HECTD2: variants seen among roughly 807,000 people sequenced by gnomAD.
HECTD2 encodes probable E3 ubiquitin-protein ligase HECTD2.
In HECTD2, 35 loss-of-function variants were observed where a neutral mutation model predicts 103.2. That is an observed-to-expected ratio of 0.34 (90% CI 0.26 to 0.45). The LOEUF is 0.45. Ranked by LOEUF, HECTD2 falls within the 20% of genes least tolerant of loss-of-function variation. The probability of loss-of-function intolerance (pLI) is 1.00; values close to 1 mark genes in which losing one functional copy is unlikely to be tolerated. For synonymous variants in HECTD2, 281 were observed against 329.9 expected (o/e 0.85, Z 1.61); for missense variants, 596 against 937.4 (o/e 0.64, Z 4.76).
intron 2 of HECTD2, among the ~76,000 whole-genome samples, chr10:91,436,116 C>A: frequency 6.6e-6 from 1 of 151,822 alleles, no homozygotes; most frequent in South Asian, 2.1e-4. Context: ...CTTCTCCCTG[C>A]ATGGTGTCTG....
intron 1 of HECTD2, among the ~76,000 whole-genome samples, chr10:91,418,865 GTTTA>G (rs980342375): frequency 2.0e-5 from 3 of 152,046 alleles, no homozygotes; most frequent in South Asian, 2.1e-4. Flanking sequence ...ATAAATATAT[GTTTA>G]TTTATCAGTC....
At chr10:91,425,548 C>A in intron 2 of HECTD2, 138 bp downstream of exon 2, 1 of 529,500 alleles carries the variant, frequency 1.9e-6, no homozygotes, top group Non-Finnish European at 2.9e-6. Flanking sequence ...TTACCAGAAG[C>A]AGCAAAATCT....
intron 2 of HECTD2, among the ~76,000 whole-genome samples, chr10:91,453,362 T>C (rs1478559488): frequency 6.6e-6 from 1 of 152,096 alleles, no homozygotes; most frequent in Non-Finnish European, 1.5e-5. Flanking sequence ...GCCCAGATGT[T>C]TGAGGCTGCA....
chr10:91,410,478 C>CTGGTGG lies in HECTD2; in HGVS notation c.44_49dup (p.Val15_Val16dup). The CTGGTGG allele has an allele frequency of 6.8e-7, 1 of 1,467,946 alleles. No individual in the cohort carries two copies. The highest frequency in any genetic ancestry group is 9.0e-7 in the Non-Finnish European group (1 of 1,114,048). 90.9% of individuals were successfully genotyped at this position (1,467,946 alleles called of 1,614,324 possible). A position where few individuals can be genotyped will look rare whatever the true frequency, so the allele number is the denominator to read the frequency against. On this transcript the variant is annotated inframe_insertion, in exon 1 of 21. Coordinates refer to ENST00000298068, the MANE Select transcript of HECTD2 (RefSeq NM_182765.6). ...TCGGGTACCCTCGCCCGCCACTCCG[C>CTGGTGG]TGGTGGTGGCGGCGCCCGCGCCTGA...
At chr10:91,413,763 G>C (rs77305076) in intron 1 of HECTD2, among the ~76,000 whole-genome samples, 131 of 152,300 alleles carry the variant, frequency 8.6e-4, no homozygotes, top group African/African-American at 3.1e-3. Flanking sequence ...GAAATCAGGC[G>C]TGGTGGGGAA....
intron 8 of HECTD2, 90 bp from the exon 9 acceptor site, chr10:91,484,417 G>T: frequency 6.8e-7 from 1 of 1,481,122 alleles, no homozygotes; most frequent in Non-Finnish European, 9.2e-7. Flanking sequence ...CTAAAATTTT[G>T]TGGCTTAGGA....
intron 15 of HECTD2, among the ~76,000 whole-genome samples, chr10:91,497,889 T>C (rs1846747111): frequency 1.3e-5 from 2 of 152,220 alleles, no homozygotes; most frequent in Non-Finnish European, 2.9e-5. Context: ...CCCAGAGTTA[T>C]GCCCCTGTAG....
chr10:91,439,073 T>C (rs1844270380), intron 2 of HECTD2, among the ~76,000 whole-genome samples: 1 of 152,216 alleles, frequency 6.6e-6, no homozygotes, highest in African/African-American at 2.4e-5. Context: ...AGGAGCTGTT[T>C]AGTTTAATTA....
At chr10:91,500,032 T>C (rs904386559) in intron 18 of HECTD2, among the ~76,000 whole-genome samples, 1 of 152,188 alleles carries the variant, frequency 6.6e-6, no homozygotes. Flanking sequence ...GCATGGTCTC[T>C]GTGTTTTAGA....
At chr10:91,480,886 T>C (rs556136285) in intron 6 of HECTD2, among the ~76,000 whole-genome samples, 1 of 152,140 alleles carries the variant, frequency 6.6e-6, no homozygotes, top group African/African-American at 2.4e-5. Context: ...TAGCTCAGTC[T>C]TTAGTTATCT....
At chr10:91,497,306 T>C (rs1846713071) in intron 15 of HECTD2, among the ~76,000 whole-genome samples, 1 of 122,086 alleles carries the variant, frequency 8.2e-6, no homozygotes, top group Admixed American at 7.4e-5. Context: ...TTTTTTTTTC[T>C]GCCCAAGACA....
At chr10:91,465,545 G>T (rs1162490451) in intron 5 of HECTD2, among the ~76,000 whole-genome samples, 3 of 150,814 alleles carry the variant, frequency 2.0e-5, no homozygotes, top group Non-Finnish European at 4.4e-5. Context: ...CATTAATTAT[G>T]ATGTTAGCTG....
At chr10:91,482,630 C>T (rs867474406) in intron 7 of HECTD2, among the ~76,000 whole-genome samples, 1 of 151,914 alleles carries the variant, frequency 6.6e-6, no homozygotes, top group Non-Finnish European at 1.5e-5. Context: ...TTTTTCGATA[C>T]TCAAAACAAC....
intron 20 of HECTD2, among the ~76,000 whole-genome samples, chr10:91,503,430 C>T (rs1311487391): frequency 2.6e-5 from 4 of 152,010 alleles, no homozygotes; most frequent in South Asian, 2.1e-4. Flanking sequence ...ACACCGTGCG[C>T]GAGCCGAAGC....
intron 1 of HECTD2, 59 bp downstream of exon 1, chr10:91,410,635 G>A (rs1384466540): frequency 2.7e-5 from 36 of 1,313,098 alleles, no homozygotes; most frequent in Non-Finnish European, 3.0e-5. Flanking sequence ...GAGGGACGGC[G>A]GCCGGGCGAG....
chr10:91,501,963 A>T (rs1846918435), intron 20 of HECTD2, among the ~76,000 whole-genome samples: 1 of 152,088 alleles, frequency 6.6e-6, no homozygotes, highest in Non-Finnish European at 1.5e-5. Flanking sequence ...CTCCTGCCCC[A>T]TACATTGAAC....
At position 91,410,385 on chromosome 10, in the gene HECTD2, C is replaced by G. The variant is rs920689250; in HGVS notation, c.-54C>G. 1 of 1,213,812 alleles carries G rather than the reference C, an allele frequency of 8.2e-7. No homozygotes were observed. Among genetic ancestry groups the G allele is most frequent in the Non-Finnish European group, 1.0e-6 (1 of 953,516 alleles). The allele number at this position is 1,213,812 out of a possible 1,614,324, so 75.2% of individuals were successfully genotyped here. A position where few individuals can be genotyped will look rare whatever the true frequency, so the allele number is the denominator to read the frequency against. On this transcript the variant is annotated 5_prime_UTR_variant, in exon 1 of 21. Transcript: ENST00000298068. ...CGCGGCGGCAGCAGCAGCGCCAGCC[C>G]CAGCAACACTGAGGCCGCCGCCGCC... is the stretch of plus-strand genomic sequence containing the variant.
chr10:91,502,823 AATT>A (rs1024028726), intron 20 of HECTD2, among the ~76,000 whole-genome samples: 5 of 152,270 alleles, frequency 3.3e-5, no homozygotes, highest in South Asian at 2.1e-4. Flanking sequence ...CTTTCCCAAT[AATT>A]ATTATTATTT....
chr10:91,413,178 A>G (rs947528819), intron 1 of HECTD2, among the ~76,000 whole-genome samples: 4 of 152,170 alleles, frequency 2.6e-5, no homozygotes, highest in South Asian at 2.1e-4. Flanking sequence ...AATATTATCA[A>G]TAAGTAGAAG....
Sources: allele counts gnomAD v4.1 joint callset (sites outside exome capture counted in the v4.1 genomes callset), GRCh38; gene constraint gnomAD v4.1.1; transcripts MANE v1.5; gene names NCBI Gene and HGNC (gene_info 2026-07-23, HGNC 2026-07-21).